The following MAGI3 variants were observed in gnomAD, a reference collection of about 807,000 sequenced individuals.
MAGI3 encodes the protein membrane-associated guanylate kinase, WW and PDZ domain-containing protein 3.
MAGI3 carries 43 observed loss-of-function variants against 121.8 expected under a neutral mutation model. The observed-to-expected ratio is 0.35, with a 90% CI of 0.28 to 0.46. The LOEUF is 0.46. MAGI3 is among the 20% of genes least tolerant of loss of function. The pLI is 1.00. For synonymous variants in MAGI3, 553 were observed against 639.3 expected (o/e 0.86, Z 2.04); for missense variants, 1,547 against 1,797.3 (o/e 0.86, Z 2.52).
intron 6 of MAGI3, among the ~76,000 whole-genome samples, chr1:113,608,917 G>T (rs1649957579): frequency 6.6e-6 from 1 of 152,016 alleles, no homozygotes; most frequent in Non-Finnish European, 1.5e-5. Context: ...TCTCAAAAGT[G>T]GACAGTACAT....
chr1:113,654,718 G>T (rs1653376026), intron 15 of MAGI3, among the ~76,000 whole-genome samples: 2 of 151,994 alleles, frequency 1.3e-5, no homozygotes, highest in Admixed American at 1.3e-4. Flanking sequence ...TGAAATATTT[G>T]TCTTGATATT....
At chr1:113,479,337 G>A (rs1280877521) in intron 1 of MAGI3, among the ~76,000 whole-genome samples, 1 of 152,116 alleles carries the variant, frequency 6.6e-6, no homozygotes, top group East Asian at 1.9e-4. Context: ...CGTTGATCAC[G>A]TTGGGAGCTG....
intron 1 of MAGI3, among the ~76,000 whole-genome samples, chr1:113,455,176 A>AT (rs1654685885): frequency 2.0e-5 from 3 of 152,318 alleles, no homozygotes; most frequent in African/African-American, 7.2e-5. Flanking sequence ...AAAAATCCCA[A>AT]TAATATATGA....
At chr1:113,437,952 T>G (rs1653711442) in intron 1 of MAGI3, among the ~76,000 whole-genome samples, 1 of 145,264 alleles carries the variant, frequency 6.9e-6, no homozygotes, top group African/African-American at 2.6e-5. Flanking sequence ...TCCTTCTCCT[T>G]CTTCTTTTCT....
chr1:113,556,265 A>C (rs1287037370), intron 2 of MAGI3, among the ~76,000 whole-genome samples: 1 of 152,204 alleles, frequency 6.6e-6, no homozygotes, highest in African/African-American at 2.4e-5. Flanking sequence ...AATGAAATAC[A>C]AAGCTCATTC....
chr1:113,436,158 G>A (rs1653555053), intron 1 of MAGI3, among the ~76,000 whole-genome samples: 1 of 152,014 alleles, frequency 6.6e-6, no homozygotes, highest in Admixed American at 6.6e-5. Flanking sequence ...TACAGATATA[G>A]GGATGTTATA....
chr1:113,444,586 AAAAC>A (rs2101467868), intron 1 of MAGI3, among the ~76,000 whole-genome samples: 1 of 152,326 alleles, frequency 6.6e-6, no homozygotes, highest in Admixed American at 6.5e-5. Flanking sequence ...AATCAAGACA[AAAAC>A]AATAAATAGA....
intron 9 of MAGI3, among the ~76,000 whole-genome samples, chr1:113,635,348 T>C (rs1651934677): frequency 6.6e-6 from 1 of 152,192 alleles, no homozygotes. Flanking sequence ...TTCAGTATGA[T>C]ATTGGCTGTG....
intron 2 of MAGI3, among the ~76,000 whole-genome samples, chr1:113,565,068 T>C (rs1034038651): frequency 6.6e-6 from 1 of 152,054 alleles, no homozygotes; most frequent in Non-Finnish European, 1.5e-5. Context: ...CAGGCTGGTC[T>C]CAAACTCCTG....
At chr1:113,677,041 A>G (rs1571038548) in intron 19 of MAGI3, among the ~76,000 whole-genome samples, 1 of 152,180 alleles carries the variant, frequency 6.6e-6, no homozygotes, top group Admixed American at 6.5e-5. Context: ...TCTTAGTGTC[A>G]TTAAGAAAAC....
At chr1:113,433,717 T>C (rs1356220947) in intron 1 of MAGI3, among the ~76,000 whole-genome samples, 2 of 152,210 alleles carry the variant, frequency 1.3e-5, no homozygotes, top group Non-Finnish European at 2.9e-5. Context: ...ATAAACCATT[T>C]AGAGAACTGT....
At chr1:113,411,582 A>G (rs1651991034) in intron 1 of MAGI3, among the ~76,000 whole-genome samples, 1 of 152,134 alleles carries the variant, frequency 6.6e-6, no homozygotes, top group Non-Finnish European at 1.5e-5. Flanking sequence ...TTAAGTCACG[A>G]TGATTATTAA....
chr1:113,456,731 A>G (rs1483619931), intron 1 of MAGI3, among the ~76,000 whole-genome samples: 2 of 152,210 alleles, frequency 1.3e-5, no homozygotes, highest in African/African-American at 4.8e-5. Context: ...AGACTTCTTC[A>G]GTTAAAGAAA....
chr1:113,515,576 G>A (rs1016315400), intron 1 of MAGI3, among the ~76,000 whole-genome samples: 6 of 152,046 alleles, frequency 3.9e-5, no homozygotes, highest in Admixed American at 1.3e-4. Flanking sequence ...TGGAATAGAT[G>A]TTATCTTCAT....
intron 2 of MAGI3, among the ~76,000 whole-genome samples, chr1:113,567,493 G>A (rs1267665584): frequency 6.6e-6 from 1 of 151,990 alleles, no homozygotes; most frequent in African/African-American, 2.4e-5. Context: ...TATCCCTGAT[G>A]GATATTTGAC....
intron 1 of MAGI3, chr1:113,449,684 CG>C (rs1389480424): frequency 3.8e-6 from 3 of 787,900 alleles, no homozygotes; most frequent in Non-Finnish European, 6.8e-6. Flanking sequence ...TTGGAAGAGG[CG>C]AGTCTGGTCT....
chr1:113,654,351 GA>G (rs769787272), intron 15 of MAGI3, among the ~76,000 whole-genome samples: 4 of 152,152 alleles, frequency 2.6e-5, no homozygotes, highest in Non-Finnish European at 5.9e-5. Context: ...CATAGGTTTT[GA>G]AAATTAGGAT....
At chr1:113,470,781 A>G (rs919137632) in intron 1 of MAGI3, among the ~76,000 whole-genome samples, 1 of 152,066 alleles carries the variant, frequency 6.6e-6, no homozygotes, top group African/African-American at 2.4e-5. Context: ...TATAAGTGAG[A>G]TGGAGTATTT....
chr1:113,672,730 C>T lies in MAGI3; in HGVS notation c.3034C>T (p.Arg1012Trp), dbSNP rs769068947. 2.4e-5 allele frequency: 38 copies of T among 1,610,990 alleles called. No homozygotes were observed. The highest frequency in any genetic ancestry group is 5.5e-5 in the South Asian group (5 of 90,422). Residue 1012 changes from arginine to tryptophan, a missense_variant, in exon 18 of 21, where the codon CGG (arginine) becomes TGG (tryptophan). Coordinates refer to ENST00000307546, the MANE Select transcript of MAGI3 (RefSeq NM_001142782.2). ...DTAVISVVGS[R>W]HNQNLGCYPV... ...CGCAGTAATTTCAGTTGTAGGCAGT[C>T]GGCACAATCAGGTAAACAAACATTT...
Sources: allele counts gnomAD v4.1 joint callset (sites outside exome capture counted in the v4.1 genomes callset), GRCh38; gene constraint gnomAD v4.1.1; transcripts MANE v1.5; gene names NCBI Gene and HGNC (gene_info 2026-07-23, HGNC 2026-07-21).